The following IL1RAP variants were observed in gnomAD, a reference collection of about 807,000 sequenced individuals.
IL1RAP encodes the protein interleukin 1 receptor accessory protein.
In IL1RAP, 35 loss-of-function variants were observed where a neutral mutation model predicts 60.7. That is an observed-to-expected ratio of 0.58 (90% CI 0.44 to 0.76). The LOEUF is 0.76. Ranked by LOEUF, IL1RAP falls within the 30% of genes least tolerant of loss-of-function variation. The pLI, the probability that IL1RAP is intolerant of heterozygous loss-of-function variation, is 0.00. For synonymous variants in IL1RAP, 268 were observed against 250.9 expected (o/e 1.07, Z -0.64); for missense variants, 572 against 693.9 (o/e 0.82, Z 1.97).
At chr3:190,645,392 A>G (rs1243127889) in intron 10 of IL1RAP, among the ~76,000 whole-genome samples, 1 of 152,188 alleles carries the variant, frequency 6.6e-6, no homozygotes, top group Non-Finnish European at 1.5e-5. Flanking sequence ...AATTTTCTCT[A>G]CAGTGTTAAT....
chr3:190,594,683 T>C (rs1335409905), intron 3 of IL1RAP, among the ~76,000 whole-genome samples: 1 of 152,124 alleles, frequency 6.6e-6, no homozygotes, highest in Non-Finnish European at 1.5e-5. Flanking sequence ...CCACACTCTA[T>C]TGGGAAGGGG....
chr3:190,642,242 C>A (rs182707400), intron 9 of IL1RAP: 34 of 152,220 alleles, frequency 2.2e-4, no homozygotes, highest in African/African-American at 7.7e-4. Flanking sequence ...GCTGGCTAAG[C>A]GGGTGTCCCC....
chr3:190,518,247 G>A (rs1288527926), intron 1 of IL1RAP, among the ~76,000 whole-genome samples: 1 of 151,980 alleles, frequency 6.6e-6, no homozygotes, highest in Non-Finnish European at 1.5e-5. Context: ...ATGATCTTTT[G>A]GCTCTGCAGC....
At chr3:190,605,664 C>T (rs1164228374) in intron 4 of IL1RAP, among the ~76,000 whole-genome samples, 1 of 152,150 alleles carries the variant, frequency 6.6e-6, no homozygotes, top group Non-Finnish European at 1.5e-5. Flanking sequence ...TGATTTCATT[C>T]TTGATGCCTC....
At position 190,525,463 on chromosome 3, in the gene IL1RAP, G is replaced by A. The variant is rs148954828; in HGVS notation, c.-89+11244G>A. On this transcript the variant is annotated intron_variant, in intron 1 of 11. Transcript: ENST00000447382. ...CTGGTCTTGCAGGCTATGGTGAGGA[G>A]TTTGGATTTTACGCAAAGTGTAGCA... Among the ~76,000 whole-genome samples, 253 of 152,318 alleles carry A rather than the reference G, an allele frequency of 1.7e-3. 1 individual carries two copies. The highest frequency in any genetic ancestry group is 5.8e-3 in the African/African-American group (240 of 41,588).
chr3:190,584,878 A>G (rs1273112950), intron 3 of IL1RAP, among the ~76,000 whole-genome samples: 1 of 152,200 alleles, frequency 6.6e-6, no homozygotes, highest in Non-Finnish European at 1.5e-5. Flanking sequence ...GTATGTTTAT[A>G]GAACTTCTAG....
At chr3:190,591,958 T>C (rs891619318) in intron 3 of IL1RAP, among the ~76,000 whole-genome samples, 1 of 151,980 alleles carries the variant, frequency 6.6e-6, no homozygotes, top group African/African-American at 2.4e-5. Flanking sequence ...ATTACAGTAA[T>C]TTTTTTTAAA....
intron 9 of IL1RAP, chr3:190,644,006 A>G (rs1268580473): frequency 1.2e-5 from 4 of 343,552 alleles, no homozygotes; most frequent in Non-Finnish European, 1.6e-5. Flanking sequence ...TTTAATTTAT[A>G]TATTGTCAAA....
intron 2 of IL1RAP, among the ~76,000 whole-genome samples, chr3:190,556,628 T>A (rs921409811): frequency 1.3e-5 from 2 of 152,210 alleles, no homozygotes; most frequent in Non-Finnish European, 2.9e-5. Flanking sequence ...ACTTGACAAC[T>A]AAAACTATCT....
chr3:190,606,192 A>G (rs1730310325), intron 4 of IL1RAP, among the ~76,000 whole-genome samples: 1 of 152,090 alleles, frequency 6.6e-6, no homozygotes, highest in South Asian at 2.1e-4. Context: ...GTTTCTGAGG[A>G]TCCTGAAATA....
At chr3:190,645,108 G>C (rs1268646941) in intron 10 of IL1RAP, among the ~76,000 whole-genome samples, 1 of 152,188 alleles carries the variant, frequency 6.6e-6, no homozygotes, top group Non-Finnish European at 1.5e-5. Flanking sequence ...TTTGCTTAGT[G>C]AAAAGAATAG....
At chr3:190,558,682 A>C (rs910962161) in intron 2 of IL1RAP, among the ~76,000 whole-genome samples, 1 of 152,018 alleles carries the variant, frequency 6.6e-6, no homozygotes, top group Non-Finnish European at 1.5e-5. Flanking sequence ...AATTTTTCTC[A>C]ATGTCTTAGG....
At chr3:190,549,189 G>A (rs771909542) in intron 1 of IL1RAP, among the ~76,000 whole-genome samples, 1 of 152,244 alleles carries the variant, frequency 6.6e-6, no homozygotes, top group East Asian at 1.9e-4. Context: ...TTCCCACCCA[G>A]GAACAAGAGG....
At chr3:190,613,459 G>A (rs1468925369) in intron 5 of IL1RAP, among the ~76,000 whole-genome samples, 1 of 152,130 alleles carries the variant, frequency 6.6e-6, no homozygotes, top group African/African-American at 2.4e-5. Context: ...GATAGTTGAA[G>A]CACTTAAGAA....
chr3:190,610,602 A>G (rs61205206), intron 5 of IL1RAP, among the ~76,000 whole-genome samples: 1 of 152,124 alleles, frequency 6.6e-6, no homozygotes, highest in Non-Finnish European at 1.5e-5. Context: ...AGAGATAAAG[A>G]TGACCTTTCA....
At chr3:190,526,104 C>T (rs1049834496) in intron 1 of IL1RAP, among the ~76,000 whole-genome samples, 17 of 152,150 alleles carry the variant, frequency 1.1e-4, no homozygotes, top group Non-Finnish European at 1.3e-4. Flanking sequence ...TTACTGGGCC[C>T]GTGCACATAT....
At chr3:190,531,328 A>C (rs548372902) in intron 1 of IL1RAP, among the ~76,000 whole-genome samples, 5 of 152,144 alleles carry the variant, frequency 3.3e-5, no homozygotes, top group African/African-American at 9.7e-5. Flanking sequence ...CTTTCCACCC[A>C]AAGAACAGGC....
chr3:190,653,494 AG>A (rs1159159767), downstream of IL1RAP, among the ~76,000 whole-genome samples: 2 of 152,214 alleles, frequency 1.3e-5, no homozygotes, highest in African/African-American at 4.8e-5. Flanking sequence ...CTATACTTCA[AG>A]TTTTAATAGA....
chr3:190,627,307 TG>T lies in IL1RAP; in HGVS notation c.776-14del, dbSNP rs754287318. Reference sequence around the variant, plus strand: ...TTGTTTTTTGTTTTTTTTGTTTTTTTGGTTTTTTTTTTCAGGAGAGGAGCTA... The same window carrying T: ...TTGTTTTTTGTTTTTTTTGTTTTTTTGTTTTTTTTTTCAGGAGAGGAGCTA... On this transcript the variant is annotated splice_polypyrimidine_tract_variant and intron_variant, in intron 7 of 11. Transcript: ENST00000447382. 50 of 1,453,438 alleles carry T rather than the reference TG, an allele frequency of 3.4e-5. No homozygotes were observed. The highest frequency in any genetic ancestry group is 2.0e-4 in the Admixed American group (7 of 34,300). 90.0% of individuals were successfully genotyped at this position (1,453,438 alleles called of 1,614,324 possible). A position where few individuals can be genotyped will look rare whatever the true frequency, so the allele number is the denominator to read the frequency against.
Sources: gnomAD v4.1 joint callset for allele counts (sites outside exome capture counted in the v4.1 genomes callset) on GRCh38, gnomAD v4.1.1 for gene constraint, MANE v1.5 for transcripts, NCBI Gene and HGNC (gene_info 2026-07-23, HGNC 2026-07-21) for gene names.